The following RFC3 variants were observed in gnomAD, a reference collection of about 807,000 sequenced individuals.
RFC3 encodes replication factor C subunit 3, also known as A1 38 kDa subunit.
Under a neutral mutation model 45.1 loss-of-function variants are expected in RFC3, and 41 were observed. That is an observed-to-expected ratio of 0.91 (90% CI 0.71 to 1.18). The LOEUF (loss-of-function observed/expected upper bound fraction) is 1.18. Among genes scored for constraint, RFC3 ranks in the 50% most tolerant of loss-of-function variants. The pLI is 0.00. For synonymous variants in RFC3, 149 were observed against 144.0 expected (o/e 1.03, Z -0.25); for missense variants, 423 against 428.1 (o/e 0.99, Z 0.10).
intron 2 of RFC3, among the ~76,000 whole-genome samples, chr13:33,822,890 A>G (rs1031804056): frequency 9.2e-5 from 14 of 152,218 alleles, no homozygotes; most frequent in Non-Finnish European, 1.9e-4. Context: ...GAAATTATAC[A>G]TAAAATCAAT....
chr13:33,886,514 G>A (rs564770242), intron 8 of RFC3, among the ~76,000 whole-genome samples: 24 of 144,994 alleles, frequency 1.7e-4, no homozygotes, highest in Admixed American at 3.5e-4. Flanking sequence ...CAGCCTGGGC[G>A]ACAGAGCAAG....
intron 8 of RFC3, among the ~76,000 whole-genome samples, chr13:33,960,680 T>TAGAC (rs112513340): frequency 0.94 from 142,442 of 151,968 alleles, 67,416 homozygotes; most frequent in East Asian, 1. Context: ...GAATGACAAA[T>TAGAC]AGCCCTGGGA....
chr13:33,901,928 A>G (rs966055721), intron 8 of RFC3, among the ~76,000 whole-genome samples: 4 of 152,084 alleles, frequency 2.6e-5, no homozygotes, highest in Non-Finnish European at 5.9e-5. Flanking sequence ...AAAGCTGCTT[A>G]GTGGAAAAAA....
chr13:33,929,864 G>GT, intron 8 of RFC3, among the ~76,000 whole-genome samples: 1 of 151,978 alleles, frequency 6.6e-6, no homozygotes, highest in East Asian at 1.9e-4. Context: ...ATCTTTGTGT[G>GT]TATTTCTGTT....
intron 8 of RFC3, among the ~76,000 whole-genome samples, chr13:33,951,033 A>G (rs1393155230): frequency 8.2e-6 from 1 of 122,640 alleles, no homozygotes; most frequent in Admixed American, 8.8e-5. Flanking sequence ...GCCCACTCTG[A>G]TGGCTCTTTT....
chr13:33,974,819 C>T, the RFC3 span, among the ~76,000 whole-genome samples: 10 of 152,054 alleles, frequency 6.6e-5, no homozygotes, highest in South Asian at 8.3e-4. Flanking sequence ...ATTAAAACAA[C>T]GAGATATCAC....
chr13:33,966,291 C>A, exon 9 of RFC3: 1 of 648,580 alleles, frequency 1.5e-6, no homozygotes, highest in Non-Finnish European at 2.8e-6. Flanking sequence ...CCCTCCCTGA[C>A]CCACTGTGCT....
intron 8 of RFC3, among the ~76,000 whole-genome samples, chr13:33,952,054 C>G (rs2082994498): frequency 6.6e-6 from 1 of 152,190 alleles, no homozygotes; most frequent in Non-Finnish European, 1.5e-5. Flanking sequence ...ATTGAACATT[C>G]ATTTGTTGAA....
At chr13:33,927,198 T>C (rs1254016887) in intron 8 of RFC3, among the ~76,000 whole-genome samples, 1 of 151,320 alleles carries the variant, frequency 6.6e-6, no homozygotes, top group Non-Finnish European at 1.5e-5. Context: ...TCACATTGCT[T>C]GGTAATGAAA....
In RFC3 at chr13:33,896,711, CAAAAAAAAAAAAAAAAAA is replaced by C. The variant is rs56129519; in HGVS notation, c.879+61509_879+61526del. Among the ~76,000 whole-genome samples, 11 of 42,114 alleles carry C rather than the reference CAAAAAAAAAAAAAAAAAA, an allele frequency of 2.6e-4. No individual in the cohort carries two copies. The Admixed American group carries it at 3.7e-3, about 14-fold the overall frequency. The allele number at this position is 42,114 out of a possible 152,430, so 27.6% of individuals were successfully genotyped here. A position where few individuals can be genotyped will look rare whatever the true frequency, so the allele number is the denominator to read the frequency against. On this transcript the variant is annotated intron_variant, in intron 8 of 8. Coordinates refer to the RFC3 transcript ENST00000434425. ...TGGGCAACAGAGTAAGACTTTGTCT[CAAAAAAAAAAAAAAAAAA>C]AAAAAAAAAAAAAAGCAAGTAACAT...
chr13:33,844,767 A>G (rs1160097552), intron 8 of RFC3, among the ~76,000 whole-genome samples: 1 of 152,026 alleles, frequency 6.6e-6, no homozygotes, highest in African/African-American at 2.4e-5. Context: ...GTTATTTTTG[A>G]TAGGTTCATC....
chr13:33,925,628 A>G (rs1418156459), intron 8 of RFC3, among the ~76,000 whole-genome samples: 1 of 151,170 alleles, frequency 6.6e-6, no homozygotes, highest in African/African-American at 2.4e-5. Flanking sequence ...ATATACATAC[A>G]TATATATGTA....
intron 8 of RFC3, among the ~76,000 whole-genome samples, chr13:33,870,666 C>T (rs1023627282): frequency 2.6e-5 from 4 of 152,132 alleles, no homozygotes; most frequent in African/African-American, 7.2e-5. Flanking sequence ...ATGGAACAGC[C>T]GGCCCATATG....
In RFC3 at chr13:33,835,205, G is replaced by A. The variant is rs1238750666; in HGVS notation, c.867G>A (p.Glu289=). 6.2e-7 allele frequency: 1 copy of A among 1,608,296 alleles called. No homozygotes were observed. The highest frequency in any genetic ancestry group is 1.3e-5 in the African/African-American group (1 of 74,892). The change falls in exon 8 of 9, where the codon GAG becomes GAA. Residue 289 remains glutamate (E), a synonymous_variant. Transcript: ENST00000380071. ...YELLTHCIPP[E]IIMKGLLSEL... ...TTCTAACTCATTGTATTCCTCCTGA[G>A]ATAATAATGAAGGTAACCCAATTTC... is the stretch of plus-strand genomic sequence containing the variant.
chr13:33,944,522 G>C (rs1314730919), intron 8 of RFC3, among the ~76,000 whole-genome samples: 1 of 152,008 alleles, frequency 6.6e-6, no homozygotes, highest in African/African-American at 2.4e-5. Flanking sequence ...AGAAACTGTT[G>C]GTTATGTGGT....
intron 8 of RFC3, among the ~76,000 whole-genome samples, chr13:33,905,529 A>G (rs960475711): frequency 5.9e-5 from 9 of 152,056 alleles, no homozygotes; most frequent in Non-Finnish European, 1.3e-4. Context: ...AAAATAATTC[A>G]TCTATGAGTT....
chr13:33,855,285 G>A (rs1431870208), intron 8 of RFC3, among the ~76,000 whole-genome samples: 1 of 152,130 alleles, frequency 6.6e-6, no homozygotes, highest in African/African-American at 2.4e-5. Context: ...CTCCGAGCAA[G>A]CACACAGGAA....
chr13:33,934,922 G>A (rs1488797665), intron 8 of RFC3, among the ~76,000 whole-genome samples: 2 of 152,084 alleles, frequency 1.3e-5, no homozygotes, highest in Non-Finnish European at 2.9e-5. Context: ...CTGGATGGCC[G>A]AATCCCCCCA....
At chr13:33,887,202 A>G (rs1395252490) in intron 8 of RFC3, among the ~76,000 whole-genome samples, 1 of 148,092 alleles carries the variant, frequency 6.8e-6, no homozygotes, top group African/African-American at 2.5e-5. Flanking sequence ...TCCCTGAGGA[A>G]TCACCACACT....
Sources: allele counts gnomAD v4.1 joint callset (sites outside exome capture counted in the v4.1 genomes callset), GRCh38; gene constraint gnomAD v4.1.1; transcripts MANE v1.5; gene names NCBI Gene and HGNC (gene_info 2026-07-23, HGNC 2026-07-21).